The following COL11A1 variants were observed in gnomAD, a reference collection of about 807,000 sequenced individuals.
COL11A1 encodes the protein collagen type XI alpha 1 chain, also known as collagen alpha-1(XI) chain.
In COL11A1, 74 loss-of-function variants were observed where a neutral mutation model predicts 265.2. The ratio of observed to expected loss-of-function variants is 0.28; its 90% CI spans 0.23 to 0.34. COL11A1 has a LOEUF of 0.34. Among genes scored for constraint, COL11A1 ranks in the 10% least tolerant of loss-of-function variants. The pLI, the probability that COL11A1 is intolerant of heterozygous loss-of-function variation, is 1.00. For synonymous variants in COL11A1, 816 were observed against 727.6 expected, an observed-to-expected ratio of 1.12 and a Z score of -1.96; for missense variants, 2,165 against 2,263.6, an observed-to-expected ratio of 0.96 and a Z score of 0.88.
chr1:103,103,274 C>T (rs1439236930), intron 1 of COL11A1, among the ~76,000 whole-genome samples: 1 of 151,850 alleles, frequency 6.6e-6, no homozygotes, highest in Non-Finnish European at 1.5e-5. Context: ...GTCATCCAAT[C>T]AATTGAAATT....
intron 4 of COL11A1, among the ~76,000 whole-genome samples, chr1:103,071,000 C>T (rs948540231): frequency 2.0e-5 from 3 of 151,908 alleles, no homozygotes; most frequent in Non-Finnish European, 1.5e-5. Context: ...TTTTTCAGGC[C>T]TTGTACAGTT....
At chr1:103,027,180 C>T (rs1250389819) in intron 5 of COL11A1, among the ~76,000 whole-genome samples, 1 of 150,786 alleles carries the variant, frequency 6.6e-6, no homozygotes, top group African/African-American at 2.4e-5. Context: ...AGATATGTTT[C>T]TTAATAGAGG....
intron 45 of COL11A1, 89 bp downstream of exon 45, chr1:102,934,971 C>T: frequency 8.1e-7 from 1 of 1,237,634 alleles, no homozygotes; most frequent in South Asian, 1.3e-5. Context: ...ACTTATTACC[C>T]CACAAAATTG....
At chr1:102,902,529 TC>T (rs1017411400) in intron 54 of COL11A1, among the ~76,000 whole-genome samples, 3 of 151,992 alleles carry the variant, frequency 2.0e-5, no homozygotes, top group African/African-American at 7.2e-5. Context: ...TAAATTTGAT[TC>T]AAAATTTTTA....
chr1:102,960,038 T>C (rs1660748502), intron 41 of COL11A1, among the ~76,000 whole-genome samples: 2 of 152,170 alleles, frequency 1.3e-5, no homozygotes, highest in Admixed American at 1.3e-4. Context: ...TTTTGTCTTA[T>C]TAAGTTGTTG....
At position 103,057,957 on chromosome 1, in the gene COL11A1, G is replaced by A. The variant is rs76583397; in HGVS notation, c.651+16661C>T. Among the ~76,000 whole-genome samples, 1,082 of 152,288 alleles carry A rather than the reference G, an allele frequency of 7.1e-3. 13 individuals are homozygous for A. Among genetic ancestry groups the A allele is most frequent in the African/African-American group, 0.025 (1,028 of 41,562 alleles). On this transcript the variant is annotated intron_variant, in intron 4 of 66. Coordinates refer to ENST00000370096, the MANE Select transcript of COL11A1 (RefSeq NM_001854.4). ...CCAGCTGCATTATCCCCTAACAAGAGAGTTTGAAGCTGTCCTTTGAAGCTT... is the reference window on the plus strand; with the variant it reads ...CCAGCTGCATTATCCCCTAACAAGAAAGTTTGAAGCTGTCCTTTGAAGCTT...
chr1:102,901,094 C>A (rs1055522336), intron 54 of COL11A1, among the ~76,000 whole-genome samples: 1 of 151,832 alleles, frequency 6.6e-6, no homozygotes, highest in African/African-American at 2.4e-5. Context: ...CCAAGGCAGG[C>A]GGATCGCCTC....
At chr1:103,053,858 T>C (rs1482962170) in intron 4 of COL11A1, among the ~76,000 whole-genome samples, 1 of 152,220 alleles carries the variant, frequency 6.6e-6, no homozygotes, top group Non-Finnish European at 1.5e-5. Context: ...AAAGATACTA[T>C]CATGTAAATA....
At chr1:103,077,974 A>G (rs1156481157) in intron 3 of COL11A1, among the ~76,000 whole-genome samples, 2 of 152,042 alleles carry the variant, frequency 1.3e-5, no homozygotes, top group African/African-American at 2.4e-5. Flanking sequence ...ATGTATAAAG[A>G]CCTTAGTACA....
chr1:103,003,810 TC>T (rs1557931670), intron 20 of COL11A1, among the ~76,000 whole-genome samples: 2 of 152,098 alleles, frequency 1.3e-5, no homozygotes, highest in Non-Finnish European at 1.5e-5. Flanking sequence ...CTCTTCTTTT[TC>T]CCCCTCCTGC....
chr1:103,008,776 C>T (rs1665864321), intron 14 of COL11A1, among the ~76,000 whole-genome samples: 1 of 152,118 alleles, frequency 6.6e-6, no homozygotes, highest in Non-Finnish European at 1.5e-5. Context: ...CTCATGAAAT[C>T]ACATTGAAAT....
At chr1:103,039,870 C>T (rs1019006818) in intron 4 of COL11A1, among the ~76,000 whole-genome samples, 2 of 151,512 alleles carry the variant, frequency 1.3e-5, no homozygotes, top group Non-Finnish European at 1.5e-5. Context: ...ATCCAGGGTC[C>T]GGTATTAAGT....
rs758949544 is a variant in COL11A1, at chr1:103,018,802, T to G, written c.1350+16A>C. The stretch of plus-strand genomic sequence containing the variant: ...TACTTTAAATAGACAAAAATAATCT[T>G]AAAACATTTACATACTGCAGGTCCT... On this transcript the variant is annotated intron_variant, in intron 10 of 66. Transcript: ENST00000370096. The G allele has an allele frequency of 6.2e-7, 1 of 1,605,246 alleles. No homozygotes were observed. Among genetic ancestry groups the G allele is most frequent in the South Asian group, 1.1e-5 (1 of 90,572 alleles).
At chr1:102,903,881 G>A (rs922446023) in intron 54 of COL11A1, among the ~76,000 whole-genome samples, 4 of 152,054 alleles carry the variant, frequency 2.6e-5, no homozygotes, top group Admixed American at 6.6e-5. Context: ...TCTTCTTTTC[G>A]ACACAGGGTC....
At chr1:102,997,412 A>G (rs983366243) in intron 25 of COL11A1, among the ~76,000 whole-genome samples, 3 of 151,990 alleles carry the variant, frequency 2.0e-5, no homozygotes, top group Non-Finnish European at 4.4e-5. Flanking sequence ...ATTCATTAAC[A>G]ATTCAACCCC....
chr1:102,964,011 C>G (rs1397088000), intron 38 of COL11A1, among the ~76,000 whole-genome samples: 5 of 151,854 alleles, frequency 3.3e-5, no homozygotes, highest in Non-Finnish European at 1.5e-5. Flanking sequence ...TTTTTTTTCT[C>G]TTAAAAAGGA....
chr1:103,055,001 G>A (rs929974570), intron 4 of COL11A1, among the ~76,000 whole-genome samples: 5 of 152,096 alleles, frequency 3.3e-5, no homozygotes, highest in Non-Finnish European at 5.9e-5. Flanking sequence ...ATTTCCAAAC[G>A]GCTCTATAGG....
At chr1:103,028,839 T>C (rs1052246283) in intron 5 of COL11A1, among the ~76,000 whole-genome samples, 1 of 152,178 alleles carries the variant, frequency 6.6e-6, no homozygotes, top group African/African-American at 2.4e-5. Flanking sequence ...TCTGTTTTCA[T>C]CCTTTTTTAA....
chr1:103,004,691 T>C (rs749507353), intron 18 of COL11A1, 30 bp from the exon 19 acceptor site: 1 of 1,577,174 alleles, frequency 6.3e-7, no homozygotes, highest in South Asian at 1.1e-5. Flanking sequence ...AAGATTAGCA[T>C]ATGGAAAGAA....
Sources: allele counts gnomAD v4.1 joint callset (sites outside exome capture counted in the v4.1 genomes callset), GRCh38; gene constraint gnomAD v4.1.1; transcripts MANE v1.5; gene names NCBI Gene and HGNC (gene_info 2026-07-23, HGNC 2026-07-21).